Variants in ZNF277 observed in about 807,000 individuals in gnomAD.
The protein encoded by ZNF277 is zinc finger protein 277, also known as nuclear receptor-interacting factor 4.
In ZNF277, 55 loss-of-function variants were observed where a neutral mutation model predicts 60.7. The ratio of observed to expected loss-of-function variants is 0.91; its 90% CI spans 0.73 to 1.13. The LOEUF is 1.13. Among genes scored for constraint, ZNF277 ranks in the 50% most tolerant of loss-of-function variants. The pLI is 0.00. For missense variants in ZNF277, 510 were observed against 523.0 expected (o/e 0.98, Z 0.24); for synonymous variants, 178 against 179.3 (o/e 0.99, Z 0.06).
chr7:112,245,754 A>C (rs894404271), intron 1 of ZNF277, among the ~76,000 whole-genome samples: 1 of 152,072 alleles, frequency 6.6e-6, no homozygotes, highest in Admixed American at 6.5e-5. Flanking sequence ...TTTTGTAAGG[A>C]TATCAGTCAT....
At chr7:112,240,762 A>G (rs2116992907) in intron 1 of ZNF277, among the ~76,000 whole-genome samples, 1 of 152,300 alleles carries the variant, frequency 6.6e-6, no homozygotes, top group South Asian at 2.1e-4. Context: ...TAGAAAGGAC[A>G]GTTTCTTCAA....
chr7:112,293,789 G>A (rs1212933300), intron 2 of ZNF277, among the ~76,000 whole-genome samples: 1 of 152,024 alleles, frequency 6.6e-6, no homozygotes, highest in Non-Finnish European at 1.5e-5. Context: ...ATTATATAGG[G>A]CTGACCACTA....
At chr7:112,231,052 A>C (rs12530483) in intron 1 of ZNF277, among the ~76,000 whole-genome samples, 28,702 of 152,004 alleles carry the variant, frequency 0.19, 3,664 homozygotes, top group Non-Finnish European at 0.28. Context: ...GTCTCTATTA[A>C]AAACACAAAA....
At chr7:112,286,830 T>G in intron 1 of ZNF277, 43 bp from the exon 2 acceptor site, 5 of 1,396,036 alleles carry the variant, frequency 3.6e-6, no homozygotes, top group African/African-American at 1.8e-5. Context: ...GGTTTCAGCT[T>G]TTCTTTCTTT....
At chr7:112,322,995 A>G (rs1793018025) in intron 5 of ZNF277, among the ~76,000 whole-genome samples, 1 of 151,152 alleles carries the variant, frequency 6.6e-6, no homozygotes. Flanking sequence ...TCAGATAATG[A>G]TCCGACAGAT....
chr7:112,324,120 C>G (rs1182064756), intron 5 of ZNF277, among the ~76,000 whole-genome samples: 1 of 152,076 alleles, frequency 6.6e-6, no homozygotes, highest in Non-Finnish European at 1.5e-5. Context: ...GGTTACATCT[C>G]AATAAAGTCA....
At chr7:112,327,099 T>C (rs1373838000) in intron 5 of ZNF277, among the ~76,000 whole-genome samples, 1 of 152,188 alleles carries the variant, frequency 6.6e-6, no homozygotes, top group African/African-American at 2.4e-5. Flanking sequence ...GCTGGTTGTA[T>C]TTTCTGTTAG....
chr7:112,340,008 A>C, intron 10 of ZNF277, 123 bp downstream of exon 10: 2 of 884,082 alleles, frequency 2.3e-6, no homozygotes, highest in South Asian at 3.1e-5. Context: ...CTCTCTATAG[A>C]TGGTCTTGAC....
chr7:112,251,754 G>A (rs1791204030), intron 1 of ZNF277, among the ~76,000 whole-genome samples: 1 of 152,184 alleles, frequency 6.6e-6, no homozygotes, highest in South Asian at 2.1e-4. Context: ...TTAGGCCTTT[G>A]TATTGAAGTG....
chr7:112,339,561 C>T (rs574632660), intron 9 of ZNF277, among the ~76,000 whole-genome samples: 6 of 152,210 alleles, frequency 3.9e-5, no homozygotes, highest in Non-Finnish European at 8.8e-5. Context: ...TCGGGTGATC[C>T]GCCCACCTCG....
intron 1 of ZNF277, among the ~76,000 whole-genome samples, chr7:112,229,142 T>C (rs1482060575): frequency 6.6e-6 from 1 of 152,214 alleles, no homozygotes; most frequent in East Asian, 1.9e-4. Context: ...GTGTATTCTT[T>C]GAGCTTATAG....
intron 1 of ZNF277, among the ~76,000 whole-genome samples, chr7:112,229,783 G>GCCCT: frequency 6.6e-6 from 1 of 152,198 alleles, no homozygotes; most frequent in African/African-American, 2.4e-5. Context: ...CAACACTGAA[G>GCCCT]CAGCAAGTTA....
At chr7:112,314,428 G>A (rs543595913) in intron 4 of ZNF277, among the ~76,000 whole-genome samples, 1 of 152,216 alleles carries the variant, frequency 6.6e-6, no homozygotes, top group South Asian at 2.1e-4. Flanking sequence ...ACTAAATAGT[G>A]TCATATGTTC....
chr7:112,243,762 A>G (rs143534123), intron 1 of ZNF277, among the ~76,000 whole-genome samples: 1,939 of 152,166 alleles, frequency 0.013, 45 homozygotes, highest in African/African-American at 0.045. Flanking sequence ...TCAAAGAATT[A>G]AAAATAGAAC....
At chr7:112,235,440 A>G (rs1822463376) in intron 1 of ZNF277, among the ~76,000 whole-genome samples, 2 of 152,116 alleles carry the variant, frequency 1.3e-5, no homozygotes, top group Admixed American at 1.3e-4. Context: ...TAGTTTTTTT[A>G]CTATAGCCAC....
chr7:112,244,170 A>C (rs900537448), intron 1 of ZNF277, among the ~76,000 whole-genome samples: 1 of 152,154 alleles, frequency 6.6e-6, no homozygotes, highest in Non-Finnish European at 1.5e-5. Flanking sequence ...ATGAGGAACT[A>C]CCTAATGGGT....
chr7:112,324,338 C>A (rs1438944783), intron 5 of ZNF277, among the ~76,000 whole-genome samples: 1 of 152,044 alleles, frequency 6.6e-6, no homozygotes, highest in Non-Finnish European at 1.5e-5. Context: ...ACTCAAAGTA[C>A]AGTTAGTTCA....
chr7:112,236,030 T>C (rs559952847), intron 1 of ZNF277, among the ~76,000 whole-genome samples: 1 of 152,202 alleles, frequency 6.6e-6, no homozygotes, highest in Non-Finnish European at 1.5e-5. Context: ...AAAAAGCTAC[T>C]GTATCAATAG....
intron 4 of ZNF277, among the ~76,000 whole-genome samples, chr7:112,308,487 A>C (rs1210630810): frequency 1.3e-5 from 2 of 152,026 alleles, no homozygotes; most frequent in African/African-American, 4.8e-5. Flanking sequence ...ACTGCACTCT[A>C]GCCTGGACAA....
Sources: allele counts gnomAD v4.1 joint callset (sites outside exome capture counted in the v4.1 genomes callset), GRCh38; gene constraint gnomAD v4.1.1; transcripts MANE v1.5; gene names NCBI Gene and HGNC (gene_info 2026-07-23, HGNC 2026-07-21).